Variants in LRRC1 observed in about 807,000 individuals in gnomAD.
LRRC1 encodes leucine rich repeat containing 1, also known as leucine-rich repeat-containing protein 1.
A neutral mutation model predicts 69.9 loss-of-function variants in LRRC1; 28 were observed. That is an observed-to-expected ratio of 0.40 (90% CI 0.30 to 0.55). The LOEUF is 0.55. Ranked by LOEUF, LRRC1 falls within the 20% of genes least tolerant of loss-of-function variation. The probability of loss-of-function intolerance (pLI) is 0.47; values close to 1 mark genes in which losing one functional copy is unlikely to be tolerated. For synonymous variants in LRRC1, 236 were observed against 240.2 expected (o/e 0.98, Z 0.16); for missense variants, 498 against 609.0 (o/e 0.82, Z 1.92).
intron 1 of LRRC1, among the ~76,000 whole-genome samples, chr6:53,800,830 G>A (rs1764462417): frequency 6.6e-6 from 1 of 151,908 alleles, no homozygotes; most frequent in East Asian, 1.9e-4. Flanking sequence ...AGTAGAGACG[G>A]GGTTTCACTA....
intron 4 of LRRC1, among the ~76,000 whole-genome samples, chr6:53,892,244 A>T (rs894659932): frequency 6.6e-6 from 1 of 152,240 alleles, no homozygotes. Flanking sequence ...TTCTCATCCG[A>T]TAAGTTAATT....
intron 1 of LRRC1, among the ~76,000 whole-genome samples, chr6:53,836,669 AT>A (rs1344395829): frequency 6.6e-6 from 1 of 152,218 alleles, no homozygotes; most frequent in African/African-American, 2.4e-5. Context: ...TAAAACACAT[AT>A]ATAGAAAAGA....
chr6:53,899,532 C>T (rs750613265), intron 7 of LRRC1, among the ~76,000 whole-genome samples: 1 of 150,692 alleles, frequency 6.6e-6, no homozygotes, highest in Non-Finnish European at 1.5e-5. Context: ...GAGGGCTTTG[C>T]ATCCCTCCCA....
intron 2 of LRRC1, among the ~76,000 whole-genome samples, chr6:53,875,827 T>C (rs781556494): frequency 3.3e-5 from 5 of 152,200 alleles, no homozygotes; most frequent in Non-Finnish European, 7.4e-5. Flanking sequence ...ATACATATAA[T>C]GTACTGTGTA....
intron 4 of LRRC1, among the ~76,000 whole-genome samples, chr6:53,894,489 G>A (rs954903435): frequency 3.9e-5 from 6 of 152,160 alleles, no homozygotes; most frequent in African/African-American, 1.4e-4. Context: ...ATGCAAAGAA[G>A]GACATTTTCC....
At chr6:53,815,650 T>G (rs1335572996) in intron 1 of LRRC1, among the ~76,000 whole-genome samples, 1 of 152,136 alleles carries the variant, frequency 6.6e-6, no homozygotes, top group Non-Finnish European at 1.5e-5. Flanking sequence ...TAAGATTTGG[T>G]CTGTTCATGT....
intron 1 of LRRC1, among the ~76,000 whole-genome samples, chr6:53,799,599 T>G (rs962033387): frequency 2.0e-5 from 3 of 152,260 alleles, no homozygotes; most frequent in African/African-American, 7.2e-5. Context: ...TTTGATTGCC[T>G]TATCTTTGAA....
At chr6:53,884,021 T>TA in intron 4 of LRRC1, 1 of 717,642 alleles carries the variant, frequency 1.4e-6, no homozygotes, top group Non-Finnish European at 2.6e-6. Context: ...ACTGATGTTT[T>TA]ATCTTTATGC....
At chr6:53,825,082 C>G (rs1765219622) in intron 1 of LRRC1, among the ~76,000 whole-genome samples, 1 of 152,186 alleles carries the variant, frequency 6.6e-6, no homozygotes, top group South Asian at 2.1e-4. Flanking sequence ...CATCACTAGC[C>G]TTGCTGTCTG....
chr6:53,846,367 A>G (rs1490019357), intron 2 of LRRC1, among the ~76,000 whole-genome samples: 1 of 152,230 alleles, frequency 6.6e-6, no homozygotes, highest in South Asian at 2.1e-4. Flanking sequence ...GGATGAGCAC[A>G]GTGCATATGG....
At chr6:53,807,287 TC>T (rs1002821123) in intron 1 of LRRC1, among the ~76,000 whole-genome samples, 6 of 152,172 alleles carry the variant, frequency 3.9e-5, no homozygotes, top group African/African-American at 1.4e-4. Flanking sequence ...CCTCCTTCCC[TC>T]ATTCACTCCA....
intron 1 of LRRC1, among the ~76,000 whole-genome samples, chr6:53,798,277 C>A (rs1764360253): frequency 6.6e-6 from 1 of 152,254 alleles, no homozygotes; most frequent in Admixed American, 6.5e-5. Context: ...ACTTCTCCCC[C>A]ATACCCGCAG....
intron 1 of LRRC1, among the ~76,000 whole-genome samples, chr6:53,828,598 A>G (rs746979469): frequency 2.5e-4 from 38 of 152,330 alleles, no homozygotes; most frequent in Non-Finnish European, 4.6e-4. Flanking sequence ...TGTATGTTTT[A>G]GCTCACTTGT....
At position 53,878,108 on chromosome 6, in the gene LRRC1, C is replaced by T. The variant is rs150609407; in HGVS notation, c.278-885C>T. Among the ~76,000 whole-genome samples the T allele has an allele frequency of 1.7e-3, 260 of 152,226 alleles. 4 individuals carry two copies. The East Asian group carries it at 0.033, about 20-fold the overall frequency. ...GAGAGCTTGTGCAGGAAAACTCCCC[C>T]TTATAATAACCATCAGGTCTCGTGA... On this transcript the variant is annotated intron_variant, in intron 2 of 13. Coordinates refer to ENST00000370888, the MANE Select transcript of LRRC1 (RefSeq NM_018214.5).
At chr6:53,835,364 C>A (rs1034350794) in intron 1 of LRRC1, among the ~76,000 whole-genome samples, 1 of 152,092 alleles carries the variant, frequency 6.6e-6, no homozygotes, top group African/African-American at 2.4e-5. Flanking sequence ...TTTTGAAATG[C>A]AATTCTATAA....
intron 1 of LRRC1, among the ~76,000 whole-genome samples, chr6:53,832,535 G>T (rs766417284): frequency 6.6e-6 from 1 of 152,052 alleles, no homozygotes; most frequent in African/African-American, 2.4e-5. Context: ...ATTGAAAATC[G>T]CACATCAAAA....
At chr6:53,921,053 G>A (rs1768726035) in intron 13 of LRRC1, among the ~76,000 whole-genome samples, 3 of 151,550 alleles carry the variant, frequency 2.0e-5, no homozygotes, top group South Asian at 2.1e-4. Flanking sequence ...CTGCAACCTC[G>A]ACCTTCTGGA....
chr6:53,916,522 TA>T (rs1330884330), intron 11 of LRRC1, among the ~76,000 whole-genome samples: 1 of 151,642 alleles, frequency 6.6e-6, no homozygotes, highest in East Asian at 1.9e-4. Context: ...TTTTTTTCCT[TA>T]AAAAAGAAAA....
chr6:53,798,389 A>AT (rs1764363845), intron 1 of LRRC1, among the ~76,000 whole-genome samples: 1 of 151,912 alleles, frequency 6.6e-6, no homozygotes, highest in Admixed American at 6.6e-5. Flanking sequence ...TTATTTATTT[A>AT]TTTTTTGAGA....
Sources: gnomAD v4.1 joint callset for allele counts (sites outside exome capture counted in the v4.1 genomes callset) on GRCh38, gnomAD v4.1.1 for gene constraint, MANE v1.5 for transcripts, NCBI Gene and HGNC (gene_info 2026-07-23, HGNC 2026-07-21) for gene names.